Variants in HDAC4 observed in about 807,000 individuals in gnomAD.
HDAC4 encodes the protein histone deacetylase 4.
HDAC4 carries 16 observed loss-of-function variants against 135.1 expected under a neutral mutation model. The observed-to-expected ratio is 0.12, with a 90% CI of 0.08 to 0.18. The LOEUF (loss-of-function observed/expected upper bound fraction) is 0.18. Ranked by LOEUF, HDAC4 falls within the 10% of genes least tolerant of loss-of-function variation. The pLI, the probability that HDAC4 is intolerant of heterozygous loss-of-function variation, is 1.00. For missense variants in HDAC4, 1,143 were observed against 1,511.8 expected (o/e 0.76, Z 4.05); for synonymous variants, 685 against 653.4 (o/e 1.05, Z -0.74).
Position 239,170,441 on chromosome 2 carries a change from C to T in HDAC4, c.490+5972G>A, listed in dbSNP as rs2043378593. On this transcript the variant is annotated intron_variant, in intron 5 of 26. Coordinates refer to ENST00000543185, the MANE Select transcript of HDAC4 (RefSeq NM_001378414.1). ...ATTTGGAAAAACTTCAAATCTAGTG[C>T]AGATTAATTAAAAGCAAAATGCCAA... Among the ~76,000 whole-genome samples, 6 of 152,152 alleles carry T rather than the reference C, an allele frequency of 3.9e-5. No homozygotes were observed. The South Asian group carries it at 1.2e-3, about 32-fold the overall frequency.
At position 239,068,579 on chromosome 2, in the gene HDAC4, A is replaced by G; in HGVS notation, c.2779T>C (p.Phe927Leu). 6.2e-7 allele frequency: 1 copy of G among 1,614,050 alleles called. No homozygotes were observed. Among genetic ancestry groups the G allele is most frequent in the Non-Finnish European group, 8.5e-7 (1 of 1,180,020 alleles). Residue 927 changes from phenylalanine (F) to leucine (L), a missense_variant, in exon 23 of 27, where the codon TTT becomes CTT. Phe to Leu is a conservative substitution (Grantham distance 22, BLOSUM62 0). Coordinates refer to ENST00000543185, the MANE Select transcript of HDAC4 (RefSeq NM_001378414.1). The surrounding 1 kb of genome is among the most constrained non-coding windows in gnomAD (Gnocchi z 4.4). ...GACACCAGCACCACATCCGGGGCAA[A>G]CTCGCTGGCGATCGGCATGACCACC... is the stretch of plus-strand genomic sequence containing the variant. ...RTVVMPIASE[F>L]APDVVLVSSG...
chr2:239,164,656 C>T (rs1370641768), intron 5 of HDAC4, among the ~76,000 whole-genome samples: 2 of 152,234 alleles, frequency 1.3e-5, no homozygotes, highest in Admixed American at 6.5e-5. Flanking sequence ...TCTTACAGCA[C>T]CTTAAGTATC....
At chr2:239,109,286 T>A (rs1228874466) in intron 14 of HDAC4, among the ~76,000 whole-genome samples, 1 of 152,198 alleles carries the variant, frequency 6.6e-6, no homozygotes, top group Non-Finnish European at 1.5e-5. Context: ...TCCAGGCTGA[T>A]AAGGGCGGGG....
At chr2:239,371,904 G>A (rs563570010) in intron 1 of HDAC4, among the ~76,000 whole-genome samples, 20 of 152,364 alleles carry the variant, frequency 1.3e-4, no homozygotes, top group African/African-American at 3.8e-4. Flanking sequence ...TGAAGAGCCC[G>A]TGGAGGGGCA....
chr2:239,217,266 A>G (rs1187321185), intron 3 of HDAC4, among the ~76,000 whole-genome samples: 3 of 151,812 alleles, frequency 2.0e-5, no homozygotes, highest in Non-Finnish European at 4.4e-5. Context: ...ACTCCCCTTC[A>G]TGGTGGATAA....
chr2:239,396,525 C>T (rs1250181055), intron 1 of HDAC4, among the ~76,000 whole-genome samples: 1 of 152,138 alleles, frequency 6.6e-6, no homozygotes, highest in Non-Finnish European at 1.5e-5. Context: ...ATTAGTAATG[C>T]TAACCTTTCA....
At chr2:239,325,350 A>G (rs2053438736) in intron 2 of HDAC4, among the ~76,000 whole-genome samples, 1 of 152,260 alleles carries the variant, frequency 6.6e-6, no homozygotes, top group South Asian at 2.1e-4. Context: ...ATAACATATG[A>G]AGTACCCCTA....
chr2:239,175,345 G>A (rs761092379), intron 5 of HDAC4, among the ~76,000 whole-genome samples: 1 of 152,200 alleles, frequency 6.6e-6, no homozygotes, highest in Admixed American at 6.5e-5. Flanking sequence ...CCGGGGACAC[G>A]CCAGGGCTCA....
chr2:239,127,751 G>A (rs988160301), intron 11 of HDAC4, among the ~76,000 whole-genome samples: 1 of 152,222 alleles, frequency 6.6e-6, no homozygotes, highest in Admixed American at 6.5e-5. Context: ...GCTGCCAGGC[G>A]GGGCTACATG....
intron 5 of HDAC4, among the ~76,000 whole-genome samples, chr2:239,166,138 G>A (rs1030226352): frequency 1.3e-5 from 2 of 152,132 alleles, no homozygotes; most frequent in Non-Finnish European, 2.9e-5. Flanking sequence ...GGCTCATTCT[G>A]TGTTCCCTAC....
intron 2 of HDAC4, among the ~76,000 whole-genome samples, chr2:239,243,241 C>T (rs1008040214): frequency 6.6e-6 from 1 of 152,000 alleles, no homozygotes; most frequent in East Asian, 1.9e-4. Context: ...CAAGCTCCGC[C>T]TCCCAGGTTC....
At chr2:239,172,477 C>T (rs549827680) in intron 5 of HDAC4, among the ~76,000 whole-genome samples, 2 of 151,908 alleles carry the variant, frequency 1.3e-5, no homozygotes, top group South Asian at 2.1e-4. Context: ...TGTCAAACTA[C>T]GTATCAAAAC....
At chr2:239,374,733 G>T (rs964431870) in intron 1 of HDAC4, among the ~76,000 whole-genome samples, 2 of 152,234 alleles carry the variant, frequency 1.3e-5, no homozygotes, top group Non-Finnish European at 2.9e-5. Flanking sequence ...GTTAACTCAT[G>T]TGTGCTAAAT....
intron 2 of HDAC4, among the ~76,000 whole-genome samples, chr2:239,260,879 G>A (rs1459300320): frequency 3.3e-5 from 5 of 152,206 alleles, no homozygotes; most frequent in African/African-American, 1.2e-4. Flanking sequence ...AACCTGAGAA[G>A]GAGGCACGGA....
chr2:239,121,552 C>CTTTA (rs1167013808), intron 12 of HDAC4, among the ~76,000 whole-genome samples: 1 of 152,248 alleles, frequency 6.6e-6, no homozygotes, highest in Admixed American at 6.5e-5. Context: ...GGCCGCATCT[C>CTTTA]TTTAGTGTCC....
At chr2:239,119,629 A>G (rs1359933473) in intron 12 of HDAC4, among the ~76,000 whole-genome samples, 1 of 151,886 alleles carries the variant, frequency 6.6e-6, no homozygotes, top group Non-Finnish European at 1.5e-5. Context: ...CTCAGAGCTC[A>G]GGGCTGAGGG....
intron 22 of HDAC4, among the ~76,000 whole-genome samples, chr2:239,080,597 C>T (rs918317766): frequency 1.5e-4 from 23 of 152,262 alleles, no homozygotes; most frequent in African/African-American, 5.1e-4. Flanking sequence ...TTAAACGGCG[C>T]GCCCTGCGGC....
chr2:239,361,260 T>A (rs1693849058), intron 1 of HDAC4, among the ~76,000 whole-genome samples: 1 of 152,218 alleles, frequency 6.6e-6, no homozygotes, highest in Non-Finnish European at 1.5e-5. Context: ...TCTTCCTGGA[T>A]TCCCCTCAGA....
chr2:239,101,718 C>T (rs1048306845), intron 16 of HDAC4, among the ~76,000 whole-genome samples: 5 of 152,112 alleles, frequency 3.3e-5, no homozygotes. Context: ...ACAAAGGGAG[C>T]CCTGGGATCC....
Sources: gnomAD v4.1 joint callset for allele counts (sites outside exome capture counted in the v4.1 genomes callset) on GRCh38, gnomAD v4.1.1 for gene constraint, Gnocchi (gnomAD v3.1) non-coding constraint, MANE v1.5 for transcripts, NCBI Gene and HGNC (gene_info 2026-07-23, HGNC 2026-07-21) for gene names.